METTL2B: variants seen among roughly 807,000 people sequenced by gnomAD.
The protein encoded by METTL2B is tRNA N(3)-cytidine methyltransferase METTL2B.
A neutral mutation model predicts 51.0 loss-of-function variants in METTL2B; 28 were observed. The observed-to-expected ratio is 0.55, with a 90% confidence interval of 0.41 to 0.75. METTL2B has a LOEUF of 0.75. Among genes scored for constraint, METTL2B ranks in the 30% least tolerant of loss-of-function variants. The probability of loss-of-function intolerance (pLI) is 0.00; values close to 1 mark genes in which losing one functional copy is unlikely to be tolerated. For missense variants in METTL2B, 313 were observed against 460.7 expected (o/e 0.68, Z 2.93); for synonymous variants, 128 against 166.3 (o/e 0.77, Z 1.77).
intron 5 of METTL2B, among the ~76,000 whole-genome samples, chr7:128,489,698 G>A (rs1485323099): frequency 1.4e-5 from 2 of 139,356 alleles, no homozygotes; most frequent in Non-Finnish European, 3.1e-5. Flanking sequence ...GCGGGATCTC[G>A]GCTCACTGCA....
intron 5 of METTL2B, among the ~76,000 whole-genome samples, chr7:128,490,167 G>A (rs1459465473): frequency 6.6e-6 from 1 of 152,104 alleles, no homozygotes; most frequent in South Asian, 2.1e-4. Flanking sequence ...CTTTTCTGGA[G>A]TAGATTTGAT....
Position 128,484,232 on chromosome 7 carries a change from T to TTTGTTTTTTGTTTTTTTTTTTTTG in METTL2B, c.608+3538_608+3539insGTTTTTTGTTTTTTTTTTTTTGTT, listed in dbSNP as rs1554428845. 1.0e-3 allele frequency: 86 copies of TTTGTTTTTTGTTTTTTTTTTTTTG among 83,570 alleles called. 2 individuals carry two copies. The highest frequency in any genetic ancestry group is 2.9e-3 in the African/African-American group (59 of 20,104). 5.2% of individuals were successfully genotyped at this position (83,570 alleles called of 1,614,324 possible). A position where few individuals can be genotyped will look rare whatever the true frequency, so the allele number is the denominator to read the frequency against. ...TGCCTAGATCCTTTTTTTTTTTTTT[T>TTTGTTTTTTGTTTTTTTTTTTTTG]TTTTTTTTTTTTTGAGACAGGATTT... On this transcript the variant is annotated intron_variant, in intron 4 of 8. Coordinates refer to ENST00000262432, the MANE Select transcript of METTL2B (RefSeq NM_018396.3).
chr7:128,497,749 G>A (rs1259431331), intron 6 of METTL2B, among the ~76,000 whole-genome samples: 1 of 151,810 alleles, frequency 6.6e-6, no homozygotes, highest in Non-Finnish European at 1.5e-5. Context: ...TCCCAAAATG[G>A]TGGTATTACA....
chr7:128,477,223 A>G, intron 2 of METTL2B, 50 bp downstream of exon 2: 1 of 1,610,260 alleles, frequency 6.2e-7, no homozygotes, highest in Middle Eastern at 1.7e-4. Flanking sequence ...GTACTGCCGA[A>G]CGCGCCCTCC....
At position 128,480,710 on chromosome 7, in the gene METTL2B, A is replaced by G. The variant is rs1563026766; in HGVS notation, c.608+14A>G. On this transcript the variant is annotated intron_variant, in intron 4 of 8. Transcript: ENST00000262432. ...ACAAACGAACAAGTAAGTATGTTGT[A>G]AAAGTTTATGATAGCAAAGAAGATA... 2 of 1,602,218 alleles carry G rather than the reference A, an allele frequency of 1.2e-6. No individual in the cohort carries two copies. Among genetic ancestry groups the G allele is most frequent in the East Asian group, 2.2e-5 (1 of 44,814 alleles).
chr7:128,478,930 T>C (rs547625498), intron 2 of METTL2B, among the ~76,000 whole-genome samples: 52 of 152,266 alleles, frequency 3.4e-4, no homozygotes, highest in African/African-American at 1.2e-3. Context: ...CTCTGGTTGA[T>C]TGTTCAAACA....
At position 128,503,982 on chromosome 7, in the gene METTL2B, G is replaced by A. The variant is rs1372589820; in HGVS notation, c.*2066G>A. ...CATTGCACTCCAGCCTGGGCGACAAGAGCGAAACTGCATCTCAAAAACAAA... is the reference window on the plus strand; with the variant it reads ...CATTGCACTCCAGCCTGGGCGACAAAAGCGAAACTGCATCTCAAAAACAAA... On this transcript the variant is annotated 3_prime_UTR_variant, in exon 9 of 9. Coordinates refer to ENST00000262432, the MANE Select transcript of METTL2B (RefSeq NM_018396.3). 1 of 152,132 alleles carries A rather than the reference G, an allele frequency of 6.6e-6. No individual in the cohort carries two copies. The highest frequency in any genetic ancestry group is 1.5e-5 in the Non-Finnish European group (1 of 68,034). 9.4% of individuals were successfully genotyped at this position (152,132 alleles called of 1,614,324 possible).
intron 2 of METTL2B, among the ~76,000 whole-genome samples, chr7:128,478,354 G>C (rs1294242184): frequency 6.6e-6 from 1 of 151,242 alleles, no homozygotes; most frequent in Non-Finnish European, 1.5e-5. Flanking sequence ...TGGTTGAAGC[G>C]ATTCCCCTGC....
rs1223991931 is a variant in METTL2B, at chr7:128,501,828, T to A, written c.1049T>A (p.Leu350Gln). 1 of 1,614,240 alleles carries A rather than the reference T, an allele frequency of 6.2e-7. No homozygotes were observed. The highest frequency in any genetic ancestry group is 2.2e-5 in the East Asian group (1 of 44,886). ...GTTCAGAATCTGGTGGACCGCCGAC[T>A]GCAGGTGAACCGAGGGAAGCAACTG... ...EKVQNLVDRR[L>Q]QVNRGKQLTM... The change falls in exon 9 of 9, where the codon CTG becomes CAG. Residue 350 changes from leucine to glutamine, a missense_variant. This residue lies in a region of METTL2B where 138 missense variants were observed against 187.6 expected (regional missense o/e 0.74). Transcript: ENST00000262432.
chr7:128,483,693 C>T (rs189841857), intron 4 of METTL2B, among the ~76,000 whole-genome samples: 2 of 152,182 alleles, frequency 1.3e-5, no homozygotes, highest in East Asian at 1.9e-4. Context: ...AGGTGCCCAC[C>T]ACCACGCCCA....
At chr7:128,492,518 G>A (rs1190024120) in intron 5 of METTL2B, among the ~76,000 whole-genome samples, 1 of 152,138 alleles carries the variant, frequency 6.6e-6, no homozygotes, top group Non-Finnish European at 1.5e-5. Flanking sequence ...CTGGGCTCAA[G>A]TGATCCTCCT....
chr7:128,500,096 G>A (rs7779455), intron 7 of METTL2B, among the ~76,000 whole-genome samples: 17,227 of 152,150 alleles, frequency 0.11, 1,022 homozygotes, highest in Middle Eastern at 0.17. Context: ...AAGTATACAC[G>A]TGTGATGATT....
Position 128,501,987 on chromosome 7 carries a change from C to A in METTL2B, c.*71C>A. On this transcript the variant is annotated 3_prime_UTR_variant, in exon 9 of 9. Transcript: ENST00000262432. The stretch of plus-strand genomic sequence containing the variant: ...CTTTTTTAAAAAAAAATTTGTAGCA[C>A]CGGGCATGGTGCATGCCTGTAATCC... The A allele has an allele frequency of 6.3e-7, 1 of 1,594,440 alleles. No individual in the cohort carries two copies. Among genetic ancestry groups the A allele is most frequent in the Non-Finnish European group, 8.6e-7 (1 of 1,168,188 alleles).
intron 5 of METTL2B, among the ~76,000 whole-genome samples, chr7:128,492,749 T>C (rs1792857723): frequency 6.6e-6 from 1 of 152,070 alleles, no homozygotes; most frequent in Admixed American, 6.6e-5. Flanking sequence ...CCCGAGTAGC[T>C]GGGACTACAG....
At chr7:128,493,699 T>G (rs1254298953) in intron 5 of METTL2B, 105 bp from the exon 6 acceptor site, 1 of 1,466,056 alleles carries the variant, frequency 6.8e-7, no homozygotes, top group Non-Finnish European at 9.2e-7. Context: ...TAGATCCCTC[T>G]TCGTGAAGTA....
Position 128,479,233 on chromosome 7 carries a change from G to C in METTL2B, c.278G>C (p.Arg93Thr). The change falls in exon 3 of 9, where the codon AGA (arginine) becomes ACA (threonine). Residue 93 changes from arginine (R) to threonine (T), a missense_variant. Arg to Thr is a moderately conservative substitution (Grantham distance 71). Transcript: ENST00000262432. ...KIHENGFFKD[R>T]HWLFTEFPEL... ...CACGAAAATGGGTTTTTCAAGGATA[G>C]ACATTGGCTTTTTACCGAATTCCCT... 1 of 1,614,218 alleles carries C rather than the reference G, an allele frequency of 6.2e-7. No individual in the cohort carries two copies.
intron 8 of METTL2B, 164 bp downstream of exon 8, chr7:128,501,132 G>T (rs1179373573): frequency 1.0e-6 from 1 of 985,320 alleles, no homozygotes; most frequent in Admixed American, 6.1e-5. Flanking sequence ...GGCTACCCAT[G>T]GCAGCCAGCC....
Position 128,477,074 on chromosome 7 carries a change from T to C in METTL2B, c.111-8T>C. 2 of 1,614,146 alleles carry C rather than the reference T, an allele frequency of 1.2e-6. No homozygotes were observed. The highest frequency in any genetic ancestry group is 8.5e-7 in the Non-Finnish European group (1 of 1,180,024). ...GAAGCCCCTAAGCTGCCCGTTTGAT[T>C]TTCTCAGGGACAATGTGGAGTGGTC... On this transcript the variant is annotated splice_region_variant and splice_polypyrimidine_tract_variant and intron_variant, in intron 1 of 8. Coordinates refer to ENST00000262432, the MANE Select transcript of METTL2B (RefSeq NM_018396.3).
intron 3 of METTL2B, 114 bp downstream of exon 3, chr7:128,479,627 A>G: frequency 8.5e-7 from 1 of 1,181,424 alleles, no homozygotes; most frequent in Non-Finnish European, 1.2e-6. Flanking sequence ...TGCTGACTAG[A>G]CTTGACCCTT....
Sources: gnomAD v4.1 joint callset for allele counts (sites outside exome capture counted in the v4.1 genomes callset) on GRCh38, gnomAD v4.1.1 for gene constraint, gnomAD v4.1.1 regional missense constraint, MANE v1.5 for transcripts, NCBI Gene and HGNC (gene_info 2026-07-23, HGNC 2026-07-21) for gene names.